SPTBN1: variants seen among roughly 807,000 people sequenced by gnomAD.
SPTBN1 encodes the protein spectrin beta chain, non-erythrocytic 1.
A neutral mutation model predicts 266.4 loss-of-function variants in SPTBN1; 32 were observed. That is an observed-to-expected ratio of 0.12 (90% confidence interval 0.09 to 0.16). The LOEUF is 0.16. Ranked by LOEUF, SPTBN1 falls within the 10% of genes least tolerant of loss-of-function variation. The pLI is 1.00. For missense variants in SPTBN1, 2,296 were observed against 3,067.1 expected, an observed-to-expected ratio of 0.75 and a Z score of 5.94; for synonymous variants, 1,336 against 1,162.2, an observed-to-expected ratio of 1.15 and a Z score of -3.04.
chr2:54,520,448 A>C (rs543324193), intron 1 of SPTBN1: 1 of 152,294 alleles, frequency 6.6e-6, no homozygotes, highest in Non-Finnish European at 1.5e-5. Flanking sequence ...TTCCACATCC[A>C]TTTCTGCCTT....
At chr2:54,614,735 G>A (rs146042640) in intron 4 of SPTBN1, among the ~76,000 whole-genome samples, 5,242 of 150,790 alleles carry the variant, frequency 0.035, 279 homozygotes, top group African/African-American at 0.11. Flanking sequence ...TATGGGAGGC[G>A]GAGATTGCAG....
intron 2 of SPTBN1, among the ~76,000 whole-genome samples, chr2:54,585,481 ACT>A (rs1408743221): frequency 6.6e-6 from 1 of 152,190 alleles, no homozygotes; most frequent in Admixed American, 6.5e-5. Context: ...GTCCACCAAA[ACT>A]CTGTAGTATT....
chr2:54,615,683 C>G (rs1266731158), intron 4 of SPTBN1, among the ~76,000 whole-genome samples: 3 of 152,178 alleles, frequency 2.0e-5, no homozygotes, highest in Admixed American at 2.0e-4. Context: ...GCCAGCCGAC[C>G]AGGCTTTGTG....
chr2:54,610,297 C>T (rs1040728444), intron 3 of SPTBN1, among the ~76,000 whole-genome samples: 1 of 152,204 alleles, frequency 6.6e-6, no homozygotes, highest in Non-Finnish European at 1.5e-5. Context: ...AGCCTTAGAT[C>T]CTTCACCTTC....
At chr2:54,635,689 G>A (rs902325126) in intron 17 of SPTBN1, among the ~76,000 whole-genome samples, 3 of 152,348 alleles carry the variant, frequency 2.0e-5, no homozygotes, top group East Asian at 3.9e-4. Context: ...ATTCTTCCCT[G>A]CCACTGTAGG....
At chr2:54,503,308 C>T (rs1033185798) in intron 1 of SPTBN1, among the ~76,000 whole-genome samples, 1 of 151,958 alleles carries the variant, frequency 6.6e-6, no homozygotes, top group Non-Finnish European at 1.5e-5. Flanking sequence ...TGCTGCCTTC[C>T]TGTTCATGGA....
intron 1 of SPTBN1, among the ~76,000 whole-genome samples, chr2:54,504,985 CT>C (rs1669477753): frequency 1.3e-5 from 2 of 152,252 alleles, no homozygotes; most frequent in South Asian, 4.1e-4. Context: ...TAGAAGAATA[CT>C]TTGTTTATAG....
Position 54,632,659 on chromosome 2 carries a change from G to C in SPTBN1, c.3658G>C (p.Ala1220Pro). The C allele has an allele frequency of 6.2e-7, 1 of 1,614,198 alleles. No individual in the cohort carries two copies. The highest frequency in any genetic ancestry group is 8.5e-7 in the Non-Finnish European group (1 of 1,180,034). Residue 1220 changes from alanine (A) to proline (P), a missense_variant, in exon 17 of 36, where the codon GCC (alanine) becomes CCC (proline). Physicochemically the swap from Ala to Pro is conservative, Grantham distance 27. Around this residue, in one of 12 missense-constraint regions of SPTBN1, gnomAD observed 386 missense variants for 486.1 expected, o/e 0.79. Transcript: ENST00000356805. ...AGAGGACTTCATGACCACCATGGAC[G>C]CCAATGAGGAGAAGATCAATGCTGT... The part of the protein sequence containing the change: ...KQEDFMTTMD[A>P]NEEKINAVVE...
At chr2:54,577,205 A>G (rs950706862) in intron 2 of SPTBN1, among the ~76,000 whole-genome samples, 1 of 152,222 alleles carries the variant, frequency 6.6e-6, no homozygotes, top group Non-Finnish European at 1.5e-5. Context: ...GACCTTGGAC[A>G]AGTGACTTGC....
chr2:54,501,179 A>T (rs1669247182), intron 1 of SPTBN1, among the ~76,000 whole-genome samples: 1 of 152,202 alleles, frequency 6.6e-6, no homozygotes, highest in Non-Finnish European at 1.5e-5. Flanking sequence ...GTGAGGAGGA[A>T]GCAAAGAGTC....
At chr2:54,469,533 G>A (rs1693811189) in intron 1 of SPTBN1, among the ~76,000 whole-genome samples, 1 of 152,200 alleles carries the variant, frequency 6.6e-6, no homozygotes, top group Non-Finnish European at 1.5e-5. Context: ...AGCCCATCAA[G>A]GGAAATGCTT....
At chr2:54,654,279 C>T (rs1172240915) in intron 27 of SPTBN1, among the ~76,000 whole-genome samples, 1 of 152,188 alleles carries the variant, frequency 6.6e-6, no homozygotes, top group East Asian at 1.9e-4. Flanking sequence ...CTATCCCTTT[C>T]CATGCACATT....
chr2:54,573,937 A>T (rs13407214), intron 2 of SPTBN1, among the ~76,000 whole-genome samples: 48,203 of 151,574 alleles, frequency 0.32, 9,371 homozygotes, highest in African/African-American at 0.56. Context: ...ACAGAACACC[A>T]GCCCTCCCTT....
chr2:54,667,469 G>A, intron 34 of SPTBN1, 135 bp from the exon 35 acceptor site: 1 of 740,788 alleles, frequency 1.3e-6, no homozygotes. Flanking sequence ...CCCAGGCTTG[G>A]TGGTGACATA....
chr2:54,492,072 T>A (rs570595562), intron 1 of SPTBN1, among the ~76,000 whole-genome samples: 1 of 152,292 alleles, frequency 6.6e-6, no homozygotes, highest in East Asian at 1.9e-4. Context: ...TTTTAGGATA[T>A]ACCATAATTT....
At chr2:54,602,439 A>G (rs562838519) in intron 3 of SPTBN1, among the ~76,000 whole-genome samples, 2 of 152,308 alleles carry the variant, frequency 1.3e-5, no homozygotes, top group Non-Finnish European at 2.9e-5. Flanking sequence ...CCCACAGCTC[A>G]TAATCCACTT....
chr2:54,654,493 A>G (rs1427411420), intron 27 of SPTBN1, among the ~76,000 whole-genome samples: 1 of 152,186 alleles, frequency 6.6e-6, no homozygotes, highest in African/African-American at 2.4e-5. Flanking sequence ...CTGCAATAAA[A>G]GGGATTTTTT....
intron 32 of SPTBN1, chr2:54,662,148 A>C (rs1681092137): frequency 6.1e-6 from 6 of 985,380 alleles, no homozygotes; most frequent in Non-Finnish European, 7.2e-6. Flanking sequence ...CTAATCGCTA[A>C]AGAGAAGCAA....
At chr2:54,617,176 A>G (rs1348722777) in intron 5 of SPTBN1, among the ~76,000 whole-genome samples, 1 of 152,234 alleles carries the variant, frequency 6.6e-6, no homozygotes, top group African/African-American at 2.4e-5. Flanking sequence ...TATGGAAGAA[A>G]GAAAGCTGAG....
Sources: gnomAD v4.1 joint callset for allele counts (sites outside exome capture counted in the v4.1 genomes callset) on GRCh38, gnomAD v4.1.1 for gene constraint, gnomAD v4.1.1 regional missense constraint, MANE v1.5 for transcripts, NCBI Gene and HGNC (gene_info 2026-07-23, HGNC 2026-07-21) for gene names.